RNF207: variants seen among roughly 807,000 people sequenced by gnomAD.
RNF207 encodes the protein ring finger protein 207, also known as OTTHUMG00000001089.
In RNF207, 72 loss-of-function variants were observed where a neutral mutation model predicts 79.0. That is an observed-to-expected ratio of 0.91 (90% CI 0.75 to 1.11). RNF207 has a LOEUF of 1.11. Ranked by LOEUF, RNF207 falls within the 50% of genes least tolerant of loss-of-function variation. The pLI is 0.00. For missense variants in RNF207, 936 were observed against 855.8 expected, an observed-to-expected ratio of 1.09 and a Z score of -1.17; for synonymous variants, 348 against 366.2, an observed-to-expected ratio of 0.95 and a Z score of 0.57.
Position 6,216,712 on chromosome 1 carries a change from C to T in RNF207, c.1653-1577C>T, listed in dbSNP as rs1668373467. ...AGTAGCTGGGACTACAGGCGTGTGCCACCACACCCGGCTGATTTTTTTTTT... is the reference window on the plus strand; with the variant it reads ...AGTAGCTGGGACTACAGGCGTGTGCTACCACACCCGGCTGATTTTTTTTTT... On this transcript the variant is annotated intron_variant, in intron 16 of 17. Coordinates refer to ENST00000377939, the MANE Select transcript of RNF207 (RefSeq NM_207396.3). 2.0e-5 allele frequency among the ~76,000 whole-genome samples: 3 copies of T among 151,904 alleles called. 1 individual carries two copies. In the South Asian group the frequency reaches 6.2e-4, roughly 32 times the overall value.
intron 7 of RNF207, 91 bp downstream of exon 7, chr1:6,209,630 G>A (rs753246261): frequency 4.4e-6 from 6 of 1,356,350 alleles, no homozygotes; most frequent in Non-Finnish European, 5.8e-6. Flanking sequence ...CAGTGTAGTG[G>A]GGCAGCAGGC....
Position 6,211,165 on chromosome 1 carries a change from G to T in RNF207, c.1109+47G>T, listed in dbSNP as rs1474247466. ...CAGGCACAAGGTCCCCAACACTGGG[G>T]TGTGGGGGAGGGTGGGCGCTGAGGG... On this transcript the variant is annotated intron_variant, in intron 12 of 17. Transcript: ENST00000377939. The surrounding 1 kb of genome is among the most constrained non-coding windows in gnomAD (Gnocchi z 4.2). 5.2e-6 allele frequency: 7 copies of T among 1,355,886 alleles called. No homozygotes were observed. The highest frequency in any genetic ancestry group is 4.1e-5 in the Admixed American group (2 of 49,070). 84.0% of individuals were successfully genotyped at this position (1,355,886 alleles called of 1,614,324 possible). A position where few individuals can be genotyped will look rare whatever the true frequency, so the allele number is the denominator to read the frequency against.
At chr1:6,215,034 CTTTTTTTTT>C (rs566158835) in intron 16 of RNF207, among the ~76,000 whole-genome samples, 1 of 140,100 alleles carries the variant, frequency 7.1e-6, no homozygotes, top group Non-Finnish European at 1.6e-5. Context: ...TCCTATTTCC[CTTTTTTTTT>C]TTTGGATGGA....
At chr1:6,215,077 G>A (rs927515164) in intron 16 of RNF207, among the ~76,000 whole-genome samples, 14 of 150,070 alleles carry the variant, frequency 9.3e-5, no homozygotes, top group Admixed American at 1.3e-4. Flanking sequence ...TGCCCAGGCT[G>A]GAGTGCAATG....
Position 6,209,549 on chromosome 1 carries a change from G to T in RNF207, c.753+10G>T. 2 of 1,448,144 alleles carry T rather than the reference G, an allele frequency of 1.4e-6. No homozygotes were observed. The highest frequency in any genetic ancestry group is 1.5e-5 in the South Asian group (1 of 67,606). 89.7% of individuals were successfully genotyped at this position (1,448,144 alleles called of 1,614,324 possible). ...CTTCGGCAGCATGCAGGTGAGGGGT[G>T]GGGGTTGGGGGATAAACGACCCAGC... On this transcript the variant is annotated intron_variant, in intron 7 of 17. Transcript: ENST00000377939.
intron 16 of RNF207, among the ~76,000 whole-genome samples, chr1:6,216,612 G>A (rs1668369188): frequency 6.6e-6 from 1 of 150,782 alleles, no homozygotes; most frequent in Non-Finnish European, 1.5e-5. Flanking sequence ...CCAAACTGGA[G>A]TGCAGTGGCG....
chr1:6,206,714 G>A lies in RNF207; in HGVS notation c.179G>A (p.Cys60Tyr), dbSNP rs750434674. Residue 60 changes from cysteine to tyrosine, a missense_variant, in exon 2 of 18, where the codon TGC becomes TAC. Cys to Tyr is a radical substitution (Grantham distance 194, BLOSUM62 -2). Coordinates refer to ENST00000377939, the MANE Select transcript of RNF207 (RefSeq NM_207396.3). ...CGCGCGACCGACGGCCGCCTCACCT[G>A]CCCGCTGTGCCAGTAAGTGTCCCAA... ...RGRATDGRLT[C>Y]PLCQHQTVLK... 7.5e-6 allele frequency: 12 copies of A among 1,601,104 alleles called. No homozygotes were observed. Among genetic ancestry groups the A allele is most frequent in the Non-Finnish European group, 1.0e-5 (12 of 1,179,700 alleles).
At chr1:6,212,996 T>G in intron 15 of RNF207, 70 bp from the exon 16 acceptor site, 1 of 1,070,280 alleles carries the variant, frequency 9.3e-7, no homozygotes, top group Non-Finnish European at 1.4e-6. Flanking sequence ...ACGTGGTGCC[T>G]GGCTTGAGTA....
chr1:6,206,760 A>G, intron 2 of RNF207, 34 bp downstream of exon 2: 1 of 1,571,084 alleles, frequency 6.4e-7, no homozygotes. Flanking sequence ...AACCCCCCAG[A>G]CCCCATCCCC....
In RNF207 at chr1:6,211,930, G is replaced by A; in HGVS notation, c.1173G>A (p.Lys391=). Reference sequence around the variant, plus strand: ...CCCACTGCCCCTCCCCAGTAGGAAAGATGTCGGGGTCACCCGTCCAAAAGC... The same window carrying A: ...CCCACTGCCCCTCCCCAGTAGGAAAAATGTCGGGGTCACCCGTCCAAAAGC... ...TGPHCPSPVG[K]MSGSPVQKPT... is the part of the protein sequence containing the mutation. The change falls in exon 13 of 18, where the codon AAG becomes AAA. Residue 391 remains lysine (K), a synonymous_variant. Coordinates refer to ENST00000377939, the MANE Select transcript of RNF207 (RefSeq NM_207396.3). This position sits in a 1 kb window ranked among gnomAD's most constrained non-coding sequence, Gnocchi z 4.2. 1 of 1,553,090 alleles carries A rather than the reference G, an allele frequency of 6.4e-7. No homozygotes were observed. Among genetic ancestry groups the A allele is most frequent in the Non-Finnish European group, 8.7e-7 (1 of 1,148,378 alleles).
intron 7 of RNF207, 93 bp downstream of exon 7, chr1:6,209,632 G>T: frequency 1.5e-6 from 2 of 1,351,670 alleles, no homozygotes; most frequent in Non-Finnish European, 9.6e-7. Flanking sequence ...GTGTAGTGGG[G>T]CAGCAGGCCT....
chr1:6,211,429 G>A lies in RNF207; in HGVS notation c.1109+311G>A, dbSNP rs935624811. ...CCTCCCCTGGGGTGGGGCGCCTGGG[G>A]CTGGGCTGACCGCCACCTAGGTGGC... On this transcript the variant is annotated intron_variant, in intron 12 of 17. Transcript: ENST00000377939. This position sits in a 1 kb window ranked among gnomAD's most constrained non-coding sequence, Gnocchi z 4.2. Among the ~76,000 whole-genome samples the A allele has an allele frequency of 6.6e-6, 1 of 152,156 alleles. No individual in the cohort carries two copies. The highest frequency in any genetic ancestry group is 1.5e-5 in the Non-Finnish European group (1 of 68,018).
intron 17 of RNF207, 68 bp from the exon 18 acceptor site, chr1:6,219,168 T>G: frequency 7.0e-7 from 1 of 1,433,264 alleles, no homozygotes; most frequent in Non-Finnish European, 9.4e-7. Flanking sequence ...TTGGCCCAAG[T>G]GGATTTTAGT....
In RNF207 at chr1:6,219,845, G is replaced by A. The variant is rs1668492889; in HGVS notation, c.*438G>A. 6.6e-6 allele frequency: 1 copy of A among 152,086 alleles called. No individual in the cohort carries two copies. The highest frequency in any genetic ancestry group is 1.5e-5 in the Non-Finnish European group (1 of 68,374). The allele number at this position is 152,086 out of a possible 1,614,324, so 9.4% of individuals were successfully genotyped here. A position where few individuals can be genotyped will look rare whatever the true frequency, so the allele number is the denominator to read the frequency against. On this transcript the variant is annotated 3_prime_UTR_variant, in exon 18 of 18. Coordinates refer to ENST00000377939, the MANE Select transcript of RNF207 (RefSeq NM_207396.3). ...ATTTCACTCTTTGTTGCCCAGGCTG[G>A]AGTGCAATGGCGCAATCTCTGGCTC... is the stretch of plus-strand genomic sequence containing the variant.
At position 6,219,473 on chromosome 1, in the gene RNF207, G is replaced by A. The variant is rs1208542927; in HGVS notation, c.*66G>A. 8.4e-7 allele frequency: 1 copy of A among 1,196,508 alleles called. No homozygotes were observed. Among genetic ancestry groups the A allele is most frequent in the Non-Finnish European group, 1.2e-6 (1 of 858,032 alleles). The allele number at this position is 1,196,508 out of a possible 1,614,324, so 74.1% of individuals were successfully genotyped here. A position where few individuals can be genotyped will look rare whatever the true frequency, so the allele number is the denominator to read the frequency against. On this transcript the variant is annotated 3_prime_UTR_variant, in exon 18 of 18. Transcript: ENST00000377939. ...CACAAGACTGGGACACTGGACAGAA[G>A]GTTGTTCCCATGATGGTTTTTTTTA...
intron 7 of RNF207, 89 bp from the exon 8 acceptor site, chr1:6,209,835 C>T: frequency 1.4e-6 from 2 of 1,379,506 alleles, no homozygotes; most frequent in South Asian, 2.7e-5. Flanking sequence ...CTAGTGTAAC[C>T]AGCAGGTGGC....
Position 6,207,565 on chromosome 1 carries a change from C to G in RNF207, c.324+54C>G. 2 of 1,547,444 alleles carry G rather than the reference C, an allele frequency of 1.3e-6. No individual in the cohort carries two copies. Among genetic ancestry groups the G allele is most frequent in the South Asian group, 1.2e-5 (1 of 85,278 alleles). ...AGCAGAGGGTACCCGGTTGCACAGT[C>G]CCCAATGCTTGCACATGCACTCAGC... On this transcript the variant is annotated intron_variant, in intron 3 of 17. Coordinates refer to ENST00000377939, the MANE Select transcript of RNF207 (RefSeq NM_207396.3). The surrounding 1 kb of genome is among the most constrained non-coding windows in gnomAD (Gnocchi z 4.5).
intron 16 of RNF207, among the ~76,000 whole-genome samples, chr1:6,215,161 T>C (rs1159258927): frequency 1.3e-5 from 2 of 151,852 alleles, no homozygotes; most frequent in African/African-American, 4.8e-5. Context: ...CCCGAGTAGC[T>C]GGGATTACAG....
Position 6,210,256 on chromosome 1 carries a change from G to T in RNF207, c.834G>T (p.Glu278Asp), listed in dbSNP as rs767660036. ...QYEEKDKAFK[E>D]QLSHLATLLP... ...AAGAGAAGGACAAGGCCTTCAAGGA[G>T]CAGCTCTCTCACTTGGCCACCTTGC... Residue 278 changes from glutamate (E) to aspartate (D), a missense_variant, in exon 9 of 18, where the codon GAG (glutamate) becomes GAT (aspartate). Glu to Asp is a conservative substitution (Grantham distance 45). Transcript: ENST00000377939. 6.2e-7 allele frequency: 1 copy of T among 1,613,786 alleles called. No homozygotes were observed. Among genetic ancestry groups the T allele is most frequent in the Non-Finnish European group, 8.5e-7 (1 of 1,179,886 alleles).
Sources: gnomAD v4.1 joint callset for allele counts (sites outside exome capture counted in the v4.1 genomes callset) on GRCh38, gnomAD v4.1.1 for gene constraint, Gnocchi (gnomAD v3.1) non-coding constraint, MANE v1.5 for transcripts, NCBI Gene and HGNC (gene_info 2026-07-23, HGNC 2026-07-21) for gene names.